The following GPR39 variants were observed in gnomAD, a reference collection of about 807,000 sequenced individuals.
GPR39 encodes zinc sensing receptor.
In GPR39, 23 loss-of-function variants were observed where a neutral mutation model predicts 18.4. The ratio of observed to expected loss-of-function variants is 1.25; its 90% CI spans 0.90 to 1.77. GPR39 has a LOEUF of 1.77. Ranked by LOEUF, GPR39 falls within the 40% of genes most tolerant of loss-of-function variation. The pLI, the probability that GPR39 is intolerant of heterozygous loss-of-function variation, is 0.00. For missense variants in GPR39, 647 were observed against 602.4 expected (o/e 1.07, Z -0.78); for synonymous variants, 280 against 257.9 (o/e 1.09, Z -0.82).
intron 1 of GPR39, among the ~76,000 whole-genome samples, chr2:132,535,283 G>A (rs1013902834): frequency 2.6e-5 from 4 of 152,190 alleles, no homozygotes; most frequent in African/African-American, 9.6e-5. Flanking sequence ...AAGAGATGTT[G>A]AGTTTTATCA....
At chr2:132,443,951 T>C (rs1680483227) in intron 1 of GPR39, among the ~76,000 whole-genome samples, 1 of 152,136 alleles carries the variant, frequency 6.6e-6, no homozygotes, top group Non-Finnish European at 1.5e-5. Flanking sequence ...GGCATGCACC[T>C]GTAGTCCTAG....
intron 1 of GPR39, among the ~76,000 whole-genome samples, chr2:132,505,993 G>A (rs1390218689): frequency 1.3e-5 from 2 of 152,110 alleles, no homozygotes; most frequent in African/African-American, 4.8e-5. Flanking sequence ...TTCTACAATG[G>A]TTGTACTAAT....
intron 1 of GPR39, among the ~76,000 whole-genome samples, chr2:132,592,840 T>C (rs1025094367): frequency 2.0e-5 from 3 of 152,014 alleles, no homozygotes; most frequent in Admixed American, 2.0e-4. Flanking sequence ...GTACCTGGGG[T>C]TGGGCCAGAC....
intron 1 of GPR39, among the ~76,000 whole-genome samples, chr2:132,485,886 C>G (rs1476759575): frequency 2.6e-5 from 4 of 152,148 alleles, no homozygotes; most frequent in Non-Finnish European, 4.4e-5. Flanking sequence ...TTAACGGTAT[C>G]TAGAATGGGG....
At chr2:132,600,207 A>T (rs1268153626) in intron 1 of GPR39, among the ~76,000 whole-genome samples, 1 of 152,254 alleles carries the variant, frequency 6.6e-6, no homozygotes, top group Non-Finnish European at 1.5e-5. Flanking sequence ...AATGAATGAA[A>T]ATAGAAACAC....
At chr2:132,480,412 G>A (rs547901408) in intron 1 of GPR39, among the ~76,000 whole-genome samples, 3 of 152,246 alleles carry the variant, frequency 2.0e-5, no homozygotes, top group Admixed American at 1.3e-4. Flanking sequence ...TTTTTATTAT[G>A]TGGGCTTTCA....
intron 1 of GPR39, among the ~76,000 whole-genome samples, chr2:132,574,439 G>C (rs996492974): frequency 6.6e-6 from 1 of 152,052 alleles, no homozygotes; most frequent in African/African-American, 2.4e-5. Flanking sequence ...TATATGTTAA[G>C]TATATTACAG....
chr2:132,432,706 T>C (rs1196104245), intron 1 of GPR39, among the ~76,000 whole-genome samples: 1 of 152,236 alleles, frequency 6.6e-6, no homozygotes, highest in Non-Finnish European at 1.5e-5. Context: ...AAAAATTTAA[T>C]GTGGTACATG....
intron 1 of GPR39, among the ~76,000 whole-genome samples, chr2:132,639,753 G>A (rs1681825647): frequency 6.6e-6 from 1 of 152,102 alleles, no homozygotes; most frequent in South Asian, 2.1e-4. Context: ...CCTTTGAGCA[G>A]GAAACGTTCT....
chr2:132,477,095 T>C (rs1681144935), intron 1 of GPR39, among the ~76,000 whole-genome samples: 1 of 152,262 alleles, frequency 6.6e-6, no homozygotes, highest in African/African-American at 2.4e-5. Context: ...CATCTGTTTT[T>C]ACATGGACCC....
At chr2:132,485,662 C>T in intron 1 of GPR39, among the ~76,000 whole-genome samples, 1 of 152,322 alleles carries the variant, frequency 6.6e-6, no homozygotes, top group African/African-American at 2.4e-5. Flanking sequence ...AGTAACTTCT[C>T]GTCCATTCAA....
intron 1 of GPR39, among the ~76,000 whole-genome samples, chr2:132,631,824 C>T (rs1260770473): frequency 8.5e-5 from 12 of 141,870 alleles, no homozygotes; most frequent in Non-Finnish European, 1.5e-4. Flanking sequence ...TCTTCTTCTT[C>T]TTTTTTTTTT....
chr2:132,547,694 G>C (rs1159336824), intron 1 of GPR39, among the ~76,000 whole-genome samples: 2 of 152,172 alleles, frequency 1.3e-5, no homozygotes, highest in Non-Finnish European at 2.9e-5. Context: ...TGCTAGAGCT[G>C]TAACTGATAG....
At chr2:132,644,283 C>G (rs1157851648) in intron 1 of GPR39, among the ~76,000 whole-genome samples, 1 of 152,172 alleles carries the variant, frequency 6.6e-6, no homozygotes, top group African/African-American at 2.4e-5. Context: ...TACAGAAGGG[C>G]CTTTGAGTGG....
In GPR39 at chr2:132,514,383, C is replaced by T. The variant is rs17395757; in HGVS notation, c.856+96485C>T. 5.3e-3 allele frequency among the ~76,000 whole-genome samples: 806 copies of T among 152,328 alleles called. 1 individual carries two copies. The highest frequency in any genetic ancestry group is 8.6e-3 in the Non-Finnish European group (588 of 68,032). ...ACCATTGCTCCCACACCAAGTTGGA[C>T]CCCTTGGCCGGAGTTATCCAAGGAT... On this transcript the variant is annotated intron_variant, in intron 1 of 1. Transcript: ENST00000329321.
At chr2:132,622,192 G>A (rs899051004) in intron 1 of GPR39, among the ~76,000 whole-genome samples, 1 of 152,136 alleles carries the variant, frequency 6.6e-6, no homozygotes, top group Non-Finnish European at 1.5e-5. Context: ...TCAGGAGTTC[G>A]AGACCAGCCA....
chr2:132,563,170 C>G (rs958692660), intron 1 of GPR39, among the ~76,000 whole-genome samples: 2 of 152,180 alleles, frequency 1.3e-5, no homozygotes, highest in African/African-American at 4.8e-5. Context: ...CTTGCTAACA[C>G]AGTGGAGCTT....
chr2:132,571,760 G>T (rs1680444032), intron 1 of GPR39, among the ~76,000 whole-genome samples: 1 of 152,102 alleles, frequency 6.6e-6, no homozygotes, highest in African/African-American at 2.4e-5. Flanking sequence ...AGAGATTTCA[G>T]TCTCTTTGAG....
chr2:132,484,592 C>G (rs1023764225), intron 1 of GPR39, among the ~76,000 whole-genome samples: 5 of 152,300 alleles, frequency 3.3e-5, no homozygotes, highest in African/African-American at 1.2e-4. Flanking sequence ...TATCCCAATC[C>G]ATGTTAAGTT....
Sources: gnomAD v4.1 joint callset for allele counts (sites outside exome capture counted in the v4.1 genomes callset) on GRCh38, gnomAD v4.1.1 for gene constraint, MANE v1.5 for transcripts, NCBI Gene and HGNC (gene_info 2026-07-23, HGNC 2026-07-21) for gene names.